The following RUNX1 variants were observed in gnomAD, a reference collection of about 807,000 sequenced individuals.
The protein encoded by RUNX1 is RUNX family transcription factor 1.
A neutral mutation model predicts 42.8 loss-of-function variants in RUNX1; 19 were observed. That is an observed-to-expected ratio of 0.44 (90% CI 0.31 to 0.65). RUNX1 has a LOEUF of 0.65. Ranked by LOEUF, RUNX1 falls within the 30% of genes least tolerant of loss-of-function variation. The probability of loss-of-function intolerance (pLI) is 0.07; values close to 1 mark genes in which losing one functional copy is unlikely to be tolerated. For synonymous variants in RUNX1, 271 were observed against 289.4 expected, an observed-to-expected ratio of 0.94 and a Z score of 0.64; for missense variants, 528 against 672.0, an observed-to-expected ratio of 0.79 and a Z score of 2.37.
At chr21:34,899,400 A>ATCTC (rs749001761) in intron 2 of RUNX1, among the ~76,000 whole-genome samples, 2 of 150,942 alleles carry the variant, frequency 1.3e-5, no homozygotes, top group South Asian at 2.1e-4. Context: ...GACCAGATTG[A>ATCTC]TCTCTCTCTC....
chr21:34,799,394 C>G lies in RUNX1; in HGVS notation c.874G>C (p.Ala292Pro), dbSNP rs1253108855. ...GTTGCTGGGTGCACAGAAGGAGAGG[C>G]AATGGATCCCAGGTATTGGTAGGAC... ...DQSYQYLGSI[A>P]SPSVHPATPI... Residue 292 changes from alanine (A) to proline (P), a missense_variant, in exon 8 of 9, where the codon GCC becomes CCC. Ala to Pro is a conservative substitution (Grantham distance 27, BLOSUM62 -1). This residue lies in a region of RUNX1 where 331 missense variants were observed against 382.5 expected (regional missense o/e 0.87). Coordinates refer to ENST00000675419, the MANE Select transcript of RUNX1 (RefSeq NM_001754.5). 1 of 1,614,168 alleles carries G rather than the reference C, an allele frequency of 6.2e-7. No individual in the cohort carries two copies. Among genetic ancestry groups the G allele is most frequent in the Non-Finnish European group, 8.5e-7 (1 of 1,180,032 alleles).
At chr21:34,995,589 C>T (rs968442625) in intron 2 of RUNX1, among the ~76,000 whole-genome samples, 11 of 151,878 alleles carry the variant, frequency 7.2e-5, no homozygotes, top group South Asian at 2.1e-4. Context: ...TACAGGTGTG[C>T]GCTACCATGC....
intron 2 of RUNX1, among the ~76,000 whole-genome samples, chr21:35,031,695 A>C (rs2059274515): frequency 6.6e-6 from 1 of 152,228 alleles, no homozygotes; most frequent in South Asian, 2.1e-4. Flanking sequence ...GCCTTAAAAA[A>C]GATAGAAACC....
intron 4 of RUNX1, among the ~76,000 whole-genome samples, chr21:34,882,692 T>C (rs76565286): frequency 1.2e-5 from 1 of 80,674 alleles, no homozygotes; most frequent in African/African-American, 7.5e-5. Flanking sequence ...TTGCTACTGT[T>C]TTTTTTTTTT....
chr21:35,024,193 A>T (rs2146953482), intron 2 of RUNX1, among the ~76,000 whole-genome samples: 1 of 152,258 alleles, frequency 6.6e-6, no homozygotes, highest in African/African-American at 2.4e-5. Flanking sequence ...GAAAGAGTAG[A>T]TCTTCCCCTT....
At chr21:34,882,363 A>T (rs1373792065) in intron 4 of RUNX1, among the ~76,000 whole-genome samples, 1 of 151,546 alleles carries the variant, frequency 6.6e-6, no homozygotes, top group Non-Finnish European at 1.5e-5. Flanking sequence ...CATACTTCCA[A>T]CCCCAAGACT....
intron 8 of RUNX1, among the ~76,000 whole-genome samples, chr21:34,794,526 T>C (rs895513113): frequency 7.2e-5 from 11 of 152,250 alleles, no homozygotes; most frequent in Non-Finnish European, 1.3e-4. Flanking sequence ...GTGGAAATTT[T>C]ACCAGAAATT....
chr21:34,946,596 G>T (rs2058564796), intron 2 of RUNX1, among the ~76,000 whole-genome samples: 2 of 152,162 alleles, frequency 1.3e-5, no homozygotes, highest in Admixed American at 6.5e-5. Flanking sequence ...ACTGTAGAGG[G>T]TCTCATAGCA....
chr21:35,008,006 C>T lies in RUNX1; in HGVS notation c.58+40836G>A, dbSNP rs567908964. ...TGCCTCCTCCCATCTACCCCACGGC[C>T]ACCACCCCTGGGCCATGCTATTTTT... On this transcript the variant is annotated intron_variant, in intron 2 of 8. Transcript: ENST00000675419. Among the ~76,000 whole-genome samples the T allele has an allele frequency of 2.8e-4, 43 of 152,276 alleles. No individual in the cohort carries two copies. The South Asian group carries it at 8.5e-3, about 30-fold the overall frequency.
chr21:35,031,335 C>T (rs893976397), intron 2 of RUNX1, among the ~76,000 whole-genome samples: 4 of 152,076 alleles, frequency 2.6e-5, no homozygotes, highest in South Asian at 2.1e-4. Context: ...GCAACAAGAA[C>T]GAAACTCCGT....
At position 34,788,117 on chromosome 21, in the gene RUNX1, A is replaced by C; in HGVS notation, c.*4018T>G. On this transcript the variant is annotated 3_prime_UTR_variant, in exon 9 of 9. Transcript: ENST00000675419. ...ACACCAGCTTGACAGTTCCCCTTTAAGAAGCATTCCATACGTTTGTACCAG... is the reference window on the plus strand; with the variant it reads ...ACACCAGCTTGACAGTTCCCCTTTACGAAGCATTCCATACGTTTGTACCAG... 4.3e-6 allele frequency: 1 copy of C among 233,324 alleles called. No homozygotes were observed. The highest frequency in any genetic ancestry group is 5.6e-5 in the Admixed American group (1 of 17,800). 14.5% of individuals were successfully genotyped at this position (233,324 alleles called of 1,614,324 possible).
At chr21:34,889,759 C>T in intron 3 of RUNX1, 1 of 1,157,774 alleles carries the variant, frequency 8.6e-7, no homozygotes, top group Non-Finnish European at 1.1e-6. Context: ...TCGGAGGGCC[C>T]CGCCCCCGGT....
intron 2 of RUNX1, among the ~76,000 whole-genome samples, chr21:34,905,145 A>C (rs1300997578): frequency 2.0e-5 from 3 of 152,154 alleles, no homozygotes; most frequent in Admixed American, 1.3e-4. Context: ...GGAGACCCGC[A>C]CGCCCCCTTC....
At chr21:34,990,892 G>C (rs1164530686) in intron 2 of RUNX1, among the ~76,000 whole-genome samples, 1 of 152,114 alleles carries the variant, frequency 6.6e-6, no homozygotes, top group Non-Finnish European at 1.5e-5. Flanking sequence ...TGCCCGGCTG[G>C]GGAATAAATT....
rs71196924 is a variant in RUNX1 at position 34,992,932 on chromosome 21, G to GC, written c.58+55909dup. ...AGGAGGATGACTGTGCAGGCAGCCC[G>GC]CCCAGGCCTCAGCAGGGAGGGGAGC... On this transcript the variant is annotated intron_variant, in intron 2 of 8. Coordinates refer to ENST00000675419, the MANE Select transcript of RUNX1 (RefSeq NM_001754.5). Among the ~76,000 whole-genome samples the GC allele has an allele frequency of 4.7e-3, 719 of 152,306 alleles. 5 individuals are homozygous for GC. The highest frequency in any genetic ancestry group is 6.8e-3 in the Non-Finnish European group (464 of 68,024).
At chr21:34,957,369 T>C (rs1463584089) in intron 2 of RUNX1, among the ~76,000 whole-genome samples, 1 of 152,148 alleles carries the variant, frequency 6.6e-6, no homozygotes, top group Admixed American at 6.5e-5. Context: ...ATGTGAAAAG[T>C]TCAACACACA....
intron 6 of RUNX1, among the ~76,000 whole-genome samples, chr21:34,844,506 A>G (rs998910339): frequency 2.3e-4 from 35 of 152,202 alleles, no homozygotes; most frequent in Non-Finnish European, 1.0e-4. Context: ...GACACTGAGC[A>G]TGTTTGGACA....
chr21:34,940,590 T>C (rs8131613), intron 2 of RUNX1, among the ~76,000 whole-genome samples: 1,751 of 152,344 alleles, frequency 0.011, 41 homozygotes, highest in African/African-American at 0.039. Context: ...TTTCATCCTA[T>C]GTGCTTTATG....
rs756129360 is a variant in RUNX1 at position 34,789,737 on chromosome 21, T to C, written c.*2398A>G. On this transcript the variant is annotated 3_prime_UTR_variant, in exon 9 of 9. Coordinates refer to ENST00000675419, the MANE Select transcript of RUNX1 (RefSeq NM_001754.5). Reference sequence around the variant, plus strand: ...GTGAAACTCTAAATGACCAATCCAGTGAGCCTACAATAGTGACAAGCCCCC... The same window carrying C: ...GTGAAACTCTAAATGACCAATCCAGCGAGCCTACAATAGTGACAAGCCCCC... 1 of 233,242 alleles carries C rather than the reference T, an allele frequency of 4.3e-6. No homozygotes were observed. The highest frequency in any genetic ancestry group is 8.5e-6 in the Non-Finnish European group (1 of 118,054). The allele number at this position is 233,242 out of a possible 1,614,324, so 14.4% of individuals were successfully genotyped here. A position where few individuals can be genotyped will look rare whatever the true frequency, so the allele number is the denominator to read the frequency against.
Sources: allele counts gnomAD v4.1 joint callset (sites outside exome capture counted in the v4.1 genomes callset), GRCh38; gene constraint gnomAD v4.1.1; regional missense constraint gnomAD v4.1.1; transcripts MANE v1.5; gene names NCBI Gene and HGNC (gene_info 2026-07-23, HGNC 2026-07-21).